CAMKMT: variants seen among roughly 807,000 people sequenced by gnomAD.
The protein encoded by CAMKMT is CaM KMT.
Under a neutral mutation model 48.0 loss-of-function variants are expected in CAMKMT, and 53 were observed. The ratio of observed to expected loss-of-function variants is 1.10; its 90% CI spans 0.89 to 1.39. The LOEUF (loss-of-function observed/expected upper bound fraction) is 1.39. Among genes scored for constraint, CAMKMT ranks in the 40% most tolerant of loss-of-function variants. The pLI, the probability that CAMKMT is intolerant of heterozygous loss-of-function variation, is 0.00. For synonymous variants in CAMKMT, 165 were observed against 152.3 expected, an observed-to-expected ratio of 1.08 and a Z score of -0.61; for missense variants, 428 against 402.7, an observed-to-expected ratio of 1.06 and a Z score of -0.54.
intron 3 of CAMKMT, among the ~76,000 whole-genome samples, chr2:44,700,237 G>T (rs189037991): frequency 2.2e-4 from 34 of 152,318 alleles, no homozygotes; most frequent in Admixed American, 6.5e-4. Context: ...AGAGAACGTT[G>T]TGGCTGGTTT....
intron 1 of CAMKMT, among the ~76,000 whole-genome samples, chr2:44,364,924 A>G (rs1453347758): frequency 2.6e-5 from 4 of 152,098 alleles, no homozygotes; most frequent in Admixed American, 1.3e-4. Context: ...TTTATTTCCT[A>G]TTGGCCAAAG....
At chr2:44,732,827 T>G (rs984050681) in intron 7 of CAMKMT, among the ~76,000 whole-genome samples, 1 of 152,224 alleles carries the variant, frequency 6.6e-6, no homozygotes, top group African/African-American at 2.4e-5. Flanking sequence ...GGATATAAGC[T>G]TATATCAGAT....
chr2:44,389,084 C>G (rs1216109615), intron 2 of CAMKMT, among the ~76,000 whole-genome samples: 2 of 152,100 alleles, frequency 1.3e-5, no homozygotes, highest in African/African-American at 2.4e-5. Context: ...AGTATATGCC[C>G]TTTGTCTTCA....
chr2:44,464,827 G>C (rs966038510), intron 3 of CAMKMT, among the ~76,000 whole-genome samples: 1 of 152,106 alleles, frequency 6.6e-6, no homozygotes, highest in Non-Finnish European at 1.5e-5. Context: ...TACAAGAAAT[G>C]CTAAAAGGAA....
chr2:44,684,190 C>T (rs1676201710), intron 3 of CAMKMT, among the ~76,000 whole-genome samples: 1 of 152,172 alleles, frequency 6.6e-6, no homozygotes, highest in South Asian at 2.1e-4. Context: ...CTGAGAAGTC[C>T]AGCATGAGTT....
rs1678258264 is a variant in CAMKMT, at chr2:44,363,685, C to CT, written c.138+1542dup. 6.8e-5 allele frequency among the ~76,000 whole-genome samples: 10 copies of CT among 147,434 alleles called. No homozygotes were observed. In the South Asian group the frequency reaches 2.2e-3, roughly 33 times the overall value. ...ATGAGCCACCGTGCCCGGCAACCCC[C>CT]TTCTTTTTTTTTTTTTTTTTTCGAT... On this transcript the variant is annotated intron_variant, in intron 1 of 10. Transcript: ENST00000378494.
intron 3 of CAMKMT, among the ~76,000 whole-genome samples, chr2:44,611,446 A>G (rs562566501): frequency 2.1e-3 from 318 of 152,234 alleles, no homozygotes; most frequent in Non-Finnish European, 4.0e-3. Flanking sequence ...AAAGAAAAAA[A>G]AAAAAAGTAT....
chr2:44,455,715 C>T (rs1381781270), intron 3 of CAMKMT, among the ~76,000 whole-genome samples: 1 of 152,152 alleles, frequency 6.6e-6, no homozygotes, highest in Non-Finnish European at 1.5e-5. Flanking sequence ...ACAAAAATCA[C>T]AACTCCCAGG....
intron 7 of CAMKMT, among the ~76,000 whole-genome samples, chr2:44,720,374 G>C (rs1005651718): frequency 6.6e-6 from 1 of 152,136 alleles, no homozygotes. Context: ...TTGATAGCTA[G>C]GTATGCAAGT....
chr2:44,570,929 G>A (rs75033988), intron 3 of CAMKMT, among the ~76,000 whole-genome samples: 4,101 of 152,150 alleles, frequency 0.027, 177 homozygotes, highest in African/African-American at 0.093. Context: ...TAGTGCTGTC[G>A]TTCTTTTAGA....
intron 3 of CAMKMT, among the ~76,000 whole-genome samples, chr2:44,397,316 A>G (rs1681946276): frequency 6.6e-6 from 1 of 152,224 alleles, no homozygotes; most frequent in Non-Finnish European, 1.5e-5. Flanking sequence ...ATTTAAGGTC[A>G]TCAATGCATT....
rs188697815 is a variant in CAMKMT, at chr2:44,474,601, A to C, written c.376+84296A>C. 1.2e-3 allele frequency among the ~76,000 whole-genome samples: 188 copies of C among 152,322 alleles called. 3 individuals carry two copies. Among genetic ancestry groups the C allele is most frequent in the African/African-American group, 4.4e-3 (181 of 41,580 alleles). The stretch of plus-strand genomic sequence containing the variant: ...CATGAAAATCATTCTGTTACTATTT[A>C]ATTCCTATATGTCTATCAACCCAAC... On this transcript the variant is annotated intron_variant, in intron 3 of 10. Coordinates refer to ENST00000378494, the MANE Select transcript of CAMKMT (RefSeq NM_024766.5).
chr2:44,616,291 T>G (rs1274216125), intron 3 of CAMKMT, among the ~76,000 whole-genome samples: 1 of 152,192 alleles, frequency 6.6e-6, no homozygotes, highest in Non-Finnish European at 1.5e-5. Flanking sequence ...TGCAATGTAT[T>G]TTTACAAACA....
intron 3 of CAMKMT, among the ~76,000 whole-genome samples, chr2:44,611,486 A>T (rs1671596748): frequency 6.6e-6 from 1 of 151,764 alleles, no homozygotes; most frequent in South Asian, 2.1e-4. Context: ...AGAATACAGA[A>T]CAATTTTGAC....
chr2:44,627,365 T>C (rs1002512262), intron 3 of CAMKMT, among the ~76,000 whole-genome samples: 3 of 152,172 alleles, frequency 2.0e-5, no homozygotes, highest in African/African-American at 7.2e-5. Flanking sequence ...TTTCTTTTTG[T>C]CTGGTTTTGG....
At position 44,470,431 on chromosome 2, in the gene CAMKMT, G is replaced by A. The variant is rs75690312; in HGVS notation, c.376+80126G>A. Among the ~76,000 whole-genome samples, 1,421 of 152,250 alleles carry A rather than the reference G, an allele frequency of 9.3e-3. 12 individuals are homozygous for A. The highest frequency in any genetic ancestry group is 0.027 in the African/African-American group (1,108 of 41,536). On this transcript the variant is annotated intron_variant, in intron 3 of 10. Transcript: ENST00000378494. ...GCAGTAGTGTCTCTCATTTTCAGTT[G>A]CTGTTCTCAAATTGGCCCTCCATGC... is the stretch of plus-strand genomic sequence containing the variant.
chr2:44,421,731 CTT>C (rs1321947713), intron 3 of CAMKMT, among the ~76,000 whole-genome samples: 5 of 152,096 alleles, frequency 3.3e-5, no homozygotes. Flanking sequence ...ACAGAGAAAA[CTT>C]AGGGTACACG....
intron 3 of CAMKMT, among the ~76,000 whole-genome samples, chr2:44,596,607 C>G (rs1001345874): frequency 6.6e-6 from 1 of 152,064 alleles, no homozygotes; most frequent in African/African-American, 2.4e-5. Flanking sequence ...CTGATTTGAT[C>G]AAATGTAATC....
intron 3 of CAMKMT, among the ~76,000 whole-genome samples, chr2:44,568,946 G>T (rs1174837945): frequency 6.6e-6 from 1 of 152,160 alleles, no homozygotes; most frequent in Non-Finnish European, 1.5e-5. Flanking sequence ...GTCAAGTCTT[G>T]GCTTAGAAGC....
Sources: gnomAD v4.1 joint callset for allele counts (sites outside exome capture counted in the v4.1 genomes callset) on GRCh38, gnomAD v4.1.1 for gene constraint, MANE v1.5 for transcripts, NCBI Gene and HGNC (gene_info 2026-07-23, HGNC 2026-07-21) for gene names.